The following PCDHGA1 variants were observed in gnomAD, a reference collection of about 807,000 sequenced individuals.
PCDHGA1 encodes protocadherin gamma subfamily A, 1.
A neutral mutation model predicts 58.0 loss-of-function variants in PCDHGA1; 32 were observed. The observed-to-expected ratio is 0.55, with a 90% CI of 0.42 to 0.74. PCDHGA1 has a LOEUF of 0.74. Ranked by LOEUF, PCDHGA1 falls within the 30% of genes least tolerant of loss-of-function variation. The pLI is 0.00. For synonymous variants in PCDHGA1, 498 were observed against 501.1 expected, an observed-to-expected ratio of 0.99 and a Z score of 0.08; for missense variants, 1,205 against 1,182.3, an observed-to-expected ratio of 1.02 and a Z score of -0.28.
chr5:141,351,052 A>G, intron 1 of PCDHGA1: 2 of 1,614,094 alleles, frequency 1.2e-6, no homozygotes, highest in Non-Finnish European at 1.7e-6. Flanking sequence ...TGATGGCCAC[A>G]GACCAGGATG....
intron 1 of PCDHGA1, chr5:141,429,173 C>CA (rs1561839883): frequency 7.9e-6 from 1 of 125,872 alleles, no homozygotes; most frequent in Non-Finnish European, 1.7e-5. Flanking sequence ...TGTTTATACA[C>CA]ACACACACAC....
intron 1 of PCDHGA1, chr5:141,364,423 C>T (rs773799474): frequency 6.2e-7 from 1 of 1,613,592 alleles, no homozygotes; most frequent in South Asian, 1.1e-5. Context: ...CCGGGCAGAT[C>T]CGCTACTCGA....
chr5:141,343,860 C>G (rs1757333938), intron 1 of PCDHGA1: 1 of 556,992 alleles, frequency 1.8e-6, no homozygotes, highest in Non-Finnish European at 3.1e-6. Context: ...TGCAAAGAAC[C>G]AGCAAATCAG....
At chr5:141,337,897 G>T (rs1021168619) in intron 1 of PCDHGA1, among the ~76,000 whole-genome samples, 1 of 152,164 alleles carries the variant, frequency 6.6e-6, no homozygotes, top group African/African-American at 2.4e-5. Context: ...CTAGTGTGGT[G>T]AAAAACCCCT....
At position 141,432,455 on chromosome 5, in the gene PCDHGA1, G is replaced by A; in HGVS notation, c.2422-62352G>A. The A allele has an allele frequency of 6.2e-7, 1 of 1,614,176 alleles. No individual in the cohort carries two copies. The highest frequency in any genetic ancestry group is 8.5e-7 in the Non-Finnish European group (1 of 1,180,042). On this transcript the variant is annotated intron_variant, in intron 1 of 3. Transcript: ENST00000517417. The surrounding 1 kb of genome is among the most constrained non-coding windows in gnomAD (Gnocchi z 6.0). ...CAATGCGCCCGAGATCCTGTACCCCGCCCTCCCCACGGACGGTTCCACTGG... is the reference window on the plus strand; with the variant it reads ...CAATGCGCCCGAGATCCTGTACCCCACCCTCCCCACGGACGGTTCCACTGG...
rs779949480 is a variant in PCDHGA1, at chr5:141,489,768, C to G, written c.2422-5039C>G. The G allele has an allele frequency of 6.2e-7, 1 of 1,614,134 alleles. No individual in the cohort carries two copies. The highest frequency in any genetic ancestry group is 1.1e-5 in the South Asian group (1 of 91,072). On this transcript the variant is annotated intron_variant, in intron 1 of 3. Coordinates refer to ENST00000517417, the MANE Select transcript of PCDHGA1 (RefSeq NM_018912.3). The surrounding 1 kb of genome is among the most constrained non-coding windows in gnomAD (Gnocchi z 4.5). ...GCTTTTACACTCTAAGCCCCAACAG[C>G]CACTTCTCTCTGAATGTGAAGACCC...
intron 1 of PCDHGA1, among the ~76,000 whole-genome samples, chr5:141,445,264 G>A (rs566395616): frequency 1.4e-4 from 22 of 152,276 alleles, no homozygotes; most frequent in Admixed American, 1.4e-3. Flanking sequence ...AATATAAGTC[G>A]AAACCACTCT....
At chr5:141,394,359 G>A in intron 1 of PCDHGA1, 3 of 1,614,204 alleles carry the variant, frequency 1.9e-6, no homozygotes, top group Non-Finnish European at 2.5e-6. Context: ...TGTCCTGTAT[G>A]CGCTGCAATC....
At chr5:141,369,393 A>G (rs113516317) in intron 1 of PCDHGA1, among the ~76,000 whole-genome samples, 5 of 152,198 alleles carry the variant, frequency 3.3e-5, no homozygotes, top group Non-Finnish European at 7.4e-5. Context: ...CATTTGGGCC[A>G]GGGTGGTTCA....
intron 1 of PCDHGA1, among the ~76,000 whole-genome samples, chr5:141,464,504 T>A (rs1264652523): frequency 6.6e-6 from 1 of 152,046 alleles, no homozygotes; most frequent in Non-Finnish European, 1.5e-5. Context: ...GATTGCTGCA[T>A]CATAAGGTAA....
chr5:141,346,998 C>CTCCT (rs1156574062), intron 1 of PCDHGA1, among the ~76,000 whole-genome samples: 4 of 151,050 alleles, frequency 2.6e-5, no homozygotes, highest in African/African-American at 2.4e-5. Flanking sequence ...TTTTTTCTTT[C>CTCCT]TCCTTCCTTC....
chr5:141,491,143 C>A lies in PCDHGA1; in HGVS notation c.2422-3664C>A. 1.2e-6 allele frequency: 2 copies of A among 1,614,142 alleles called. No homozygotes were observed. Among genetic ancestry groups the A allele is most frequent in the South Asian group, 1.1e-5 (1 of 91,082 alleles). On this transcript the variant is annotated intron_variant, in intron 1 of 3. Transcript: ENST00000517417. This position sits in a 1 kb window ranked among gnomAD's most constrained non-coding sequence, Gnocchi z 6.9. ...TGAGGTGCGCACAGCCCGGGCCTTA[C>A]TGGAGGATGACTCTGACACCCAGCA... is the stretch of plus-strand genomic sequence containing the variant.
chr5:141,366,540 C>G, intron 1 of PCDHGA1: 1 of 1,614,260 alleles, frequency 6.2e-7, no homozygotes, highest in Non-Finnish European at 8.5e-7. Flanking sequence ...GGTGTGCCCG[C>G]CTCGCACTTT....
At position 141,375,364 on chromosome 5, in the gene PCDHGA1, A is replaced by C. The variant is rs771379372; in HGVS notation, c.2421+42259A>C. ...ACATCACTGTGACAGCCACGGACAAAGGAACACCACCTCTGTCTACAGAAA... is the reference window on the plus strand; with the variant it reads ...ACATCACTGTGACAGCCACGGACAACGGAACACCACCTCTGTCTACAGAAA... On this transcript the variant is annotated intron_variant, in intron 1 of 3. Coordinates refer to ENST00000517417, the MANE Select transcript of PCDHGA1 (RefSeq NM_018912.3). 6.2e-7 allele frequency: 1 copy of C among 1,613,904 alleles called. No homozygotes were observed. Among genetic ancestry groups the C allele is most frequent in the Non-Finnish European group, 8.5e-7 (1 of 1,179,968 alleles).
At chr5:141,450,046 G>A (rs1390669307) in intron 1 of PCDHGA1, among the ~76,000 whole-genome samples, 4 of 121,108 alleles carry the variant, frequency 3.3e-5, no homozygotes, top group Admixed American at 1.1e-4. Context: ...TCACTCTTTC[G>A]CCCAGGCTGG....
intron 1 of PCDHGA1, among the ~76,000 whole-genome samples, chr5:141,358,442 G>A (rs72790009): frequency 0.023 from 3,459 of 152,132 alleles, 53 homozygotes; most frequent in South Asian, 0.038. Flanking sequence ...AACAGGCAAC[G>A]TCAATTTAAG....
At chr5:141,375,323 G>A in intron 1 of PCDHGA1, 1 of 1,613,814 alleles carries the variant, frequency 6.2e-7, no homozygotes, top group Non-Finnish European at 8.5e-7. Context: ...AGACCGGGAA[G>A]AGGTATTCTT....
intron 1 of PCDHGA1, chr5:141,393,111 C>T (rs762190466): frequency 1.2e-6 from 2 of 1,613,380 alleles, no homozygotes; most frequent in African/African-American, 2.7e-5. Context: ...CGCTCAGAGC[C>T]CGCGGTGTCT....
In PCDHGA1 at chr5:141,448,944, C is replaced by CAAAA. The variant is rs560691811; in HGVS notation, c.2422-45859_2422-45856dup. Among the ~76,000 whole-genome samples, 218 of 152,004 alleles carry CAAAA rather than the reference C, an allele frequency of 1.4e-3. 1 individual carries two copies. The highest frequency in any genetic ancestry group is 5.1e-3 in the African/African-American group (213 of 41,464). On this transcript the variant is annotated intron_variant, in intron 1 of 3. Coordinates refer to ENST00000517417, the MANE Select transcript of PCDHGA1 (RefSeq NM_018912.3). ...TGGGCGACAGAGCAAGACTGCAACTCAAAAAAACAAACAAACAAACAAAAA... is the reference window on the plus strand; with the variant it reads ...TGGGCGACAGAGCAAGACTGCAACTCAAAAAAAAAAACAAACAAACAAACAAAAA...
Sources: gnomAD v4.1 joint callset for allele counts (sites outside exome capture counted in the v4.1 genomes callset) on GRCh38, gnomAD v4.1.1 for gene constraint, Gnocchi (gnomAD v3.1) non-coding constraint, MANE v1.5 for transcripts, NCBI Gene and HGNC (gene_info 2026-07-23, HGNC 2026-07-21) for gene names.